GABRB2: variants seen among roughly 807,000 people sequenced by gnomAD.
GABRB2 encodes the protein gamma-aminobutyric acid type A receptor subunit beta2.
In GABRB2, 16 loss-of-function variants were observed where a neutral mutation model predicts 54.7. The observed-to-expected ratio is 0.29, with a 90% CI of 0.20 to 0.44. The LOEUF (loss-of-function observed/expected upper bound fraction) is 0.44, where lower values mean the gene tolerates loss of function less well. GABRB2 is among the 20% of genes least tolerant of loss of function. GABRB2 has a pLI of 1.00. For missense variants in GABRB2, 355 were observed against 644.0 expected, an observed-to-expected ratio of 0.55 and a Z score of 4.86; for synonymous variants, 244 against 233.8, an observed-to-expected ratio of 1.04 and a Z score of -0.40.
At chr5:161,461,686 T>G (rs535072576) in intron 3 of GABRB2, among the ~76,000 whole-genome samples, 1 of 152,332 alleles carries the variant, frequency 6.6e-6, no homozygotes, top group African/African-American at 2.4e-5. Flanking sequence ...TTGAAAAGCA[T>G]AATTACAATT....
intron 3 of GABRB2, among the ~76,000 whole-genome samples, chr5:161,462,973 T>C (rs1320426136): frequency 1.3e-5 from 2 of 152,106 alleles, no homozygotes; most frequent in Non-Finnish European, 2.9e-5. Context: ...TGGGAACTTG[T>C]CTCAGAGTTG....
At position 161,439,775 on chromosome 5, in the gene GABRB2, T is replaced by C. The variant is rs139128914; in HGVS notation, c.458+19849A>G. Among the ~76,000 whole-genome samples the C allele has an allele frequency of 3.5e-3, 538 of 151,806 alleles. 2 individuals carry two copies. The highest frequency in any genetic ancestry group is 5.3e-3 in the Non-Finnish European group (363 of 67,926). On this transcript the variant is annotated intron_variant, in intron 4 of 9. Transcript: ENST00000393959. ...AAAATAATGGGTTATATGATGAGAA[T>C]ACATGGACATGTGGTGGGGAACAAC... is the stretch of plus-strand genomic sequence containing the variant.
At chr5:161,452,774 G>C (rs2113241527) in intron 4 of GABRB2, among the ~76,000 whole-genome samples, 1 of 152,144 alleles carries the variant, frequency 6.6e-6, no homozygotes, top group East Asian at 1.9e-4. Flanking sequence ...CAGGTGGATG[G>C]CTTGAGCCCA....
At chr5:161,324,519 G>A (rs1451833109) in intron 9 of GABRB2, among the ~76,000 whole-genome samples, 1 of 152,094 alleles carries the variant, frequency 6.6e-6, no homozygotes, top group Non-Finnish European at 1.5e-5. Flanking sequence ...TTAGTTTTCA[G>A]TTGAGGAATT....
intron 3 of GABRB2, among the ~76,000 whole-genome samples, chr5:161,524,777 C>T (rs1473532848): frequency 1.3e-5 from 2 of 151,232 alleles, no homozygotes; most frequent in Non-Finnish European, 3.0e-5. Flanking sequence ...GTAATTCTTT[C>T]AATTTTACTA....
chr5:161,350,357 A>C (rs537430261), intron 5 of GABRB2, among the ~76,000 whole-genome samples: 2 of 152,268 alleles, frequency 1.3e-5, no homozygotes, highest in South Asian at 4.1e-4. Context: ...TCAAGAAATA[A>C]AATCAGCATA....
At chr5:161,374,640 A>G (rs1467344163) in intron 5 of GABRB2, among the ~76,000 whole-genome samples, 6 of 152,188 alleles carry the variant, frequency 3.9e-5, no homozygotes, top group Admixed American at 3.9e-4. Context: ...TACTCAATAA[A>G]CACATGACTC....
chr5:161,303,390 C>T (rs1757593009), intron 9 of GABRB2, among the ~76,000 whole-genome samples: 1 of 152,078 alleles, frequency 6.6e-6, no homozygotes, highest in Non-Finnish European at 1.5e-5. Context: ...CTTCACGTTT[C>T]CTTAGTAAAC....
intron 4 of GABRB2, among the ~76,000 whole-genome samples, chr5:161,430,466 C>T (rs1188016936): frequency 6.6e-6 from 1 of 152,058 alleles, no homozygotes; most frequent in African/African-American, 2.4e-5. Context: ...GGGTAGCTAC[C>T]CAGTCACTTA....
chr5:161,527,931 G>A (rs904165846), intron 3 of GABRB2, among the ~76,000 whole-genome samples: 15 of 151,422 alleles, frequency 9.9e-5, no homozygotes, highest in African/African-American at 3.4e-4. Context: ...CATGTTCTGG[G>A]GTCCAGTAAT....
intron 5 of GABRB2, among the ~76,000 whole-genome samples, chr5:161,399,380 A>C (rs558334015): frequency 7.2e-4 from 109 of 152,230 alleles, no homozygotes; most frequent in African/African-American, 2.5e-3. Flanking sequence ...AGACTCCGCC[A>C]GTCAGATGTA....
chr5:161,505,808 G>T (rs1243797838), intron 3 of GABRB2, among the ~76,000 whole-genome samples: 1 of 152,002 alleles, frequency 6.6e-6, no homozygotes, highest in African/African-American at 2.4e-5. Flanking sequence ...CTCCAGTAAA[G>T]AACATCTATA....
chr5:161,326,179 A>C (rs1261386609), intron 9 of GABRB2, among the ~76,000 whole-genome samples, 189 bp downstream of exon 9: 1 of 152,174 alleles, frequency 6.6e-6, no homozygotes. Context: ...CACCAAAGCT[A>C]TACTGAAAAA....
chr5:161,455,907 A>G (rs1278698066), intron 4 of GABRB2, among the ~76,000 whole-genome samples: 1 of 152,176 alleles, frequency 6.6e-6, no homozygotes, highest in Non-Finnish European at 1.5e-5. Flanking sequence ...TAAATTCAAT[A>G]AGCATTGATA....
At chr5:161,311,151 T>G (rs1310681474) in intron 9 of GABRB2, among the ~76,000 whole-genome samples, 1 of 152,254 alleles carries the variant, frequency 6.6e-6, no homozygotes, top group Non-Finnish European at 1.5e-5. Flanking sequence ...CCTTGCCATC[T>G]ACACCATTAG....
At position 161,429,083 on chromosome 5, in the gene GABRB2, A is replaced by T. The variant is rs887073216; in HGVS notation, c.459-18026T>A. Among the ~76,000 whole-genome samples the T allele has an allele frequency of 3.3e-5, 5 of 151,696 alleles. No individual in the cohort carries two copies. The East Asian group carries it at 9.7e-4, about 29-fold the overall frequency. On this transcript the variant is annotated intron_variant, in intron 4 of 9. Coordinates refer to ENST00000393959, the MANE Select transcript of GABRB2 (RefSeq NM_001371727.1). ...TGAAATTGGCCAGGCATGGTGGCTC[A>T]CTCCTGTAATCCCAGCACTTTGGGA...
At chr5:161,392,677 T>C (rs1042029165) in intron 5 of GABRB2, among the ~76,000 whole-genome samples, 2 of 152,196 alleles carry the variant, frequency 1.3e-5, no homozygotes, top group African/African-American at 2.4e-5. Context: ...AACTACTTCA[T>C]ATAAGCAATT....
chr5:161,503,333 A>T (rs1759505784), intron 3 of GABRB2, among the ~76,000 whole-genome samples: 1 of 152,160 alleles, frequency 6.6e-6, no homozygotes, highest in Non-Finnish European at 1.5e-5. Context: ...TAACTAAAAG[A>T]TCTTCAATAA....
chr5:161,524,595 T>A (rs865957000), intron 3 of GABRB2, among the ~76,000 whole-genome samples: 2 of 151,322 alleles, frequency 1.3e-5, no homozygotes, highest in Non-Finnish European at 3.0e-5. Flanking sequence ...ATGAACTGAT[T>A]TAGCCAATCA....
Sources: gnomAD v4.1 joint callset for allele counts (sites outside exome capture counted in the v4.1 genomes callset) on GRCh38, gnomAD v4.1.1 for gene constraint, MANE v1.5 for transcripts, NCBI Gene and HGNC (gene_info 2026-07-23, HGNC 2026-07-21) for gene names.